Variants in MYO16 observed in about 807,000 individuals in gnomAD.
MYO16 encodes the protein myosin XVI.
Under a neutral mutation model 205.3 loss-of-function variants are expected in MYO16, and 94 were observed. That is an observed-to-expected ratio of 0.46 (90% CI 0.39 to 0.54). MYO16 has a LOEUF of 0.54. MYO16 is among the 20% of genes least tolerant of loss of function. MYO16 has a pLI of 0.00. For missense variants in MYO16, 2,315 were observed against 2,387.5 expected, an observed-to-expected ratio of 0.97 and a Z score of 0.63; for synonymous variants, 988 against 954.0, an observed-to-expected ratio of 1.04 and a Z score of -0.66.
intron 1 of MYO16, among the ~76,000 whole-genome samples, chr13:108,597,381 A>G (rs1023599451): frequency 2.0e-5 from 3 of 152,202 alleles, no homozygotes; most frequent in African/African-American, 7.2e-5. Context: ...GGGAGGATTT[A>G]TCTCCAGATT....
At chr13:108,715,821 C>T (rs1883921977) in intron 3 of MYO16, among the ~76,000 whole-genome samples, 1 of 152,168 alleles carries the variant, frequency 6.6e-6, no homozygotes, top group South Asian at 2.1e-4. Context: ...CCTGGTCCGG[C>T]TTAATAACCC....
At chr13:109,012,208 G>A (rs1431276) in intron 22 of MYO16, among the ~76,000 whole-genome samples, 12,838 of 152,120 alleles carry the variant, frequency 0.084, 1,353 homozygotes, top group East Asian at 0.55. Flanking sequence ...TTCAATAGTC[G>A]TCTAAACCAG....
chr13:108,871,332 G>GTA (rs2139137970), intron 12 of MYO16, among the ~76,000 whole-genome samples: 1 of 131,940 alleles, frequency 7.6e-6, no homozygotes, highest in East Asian at 3.1e-4. Flanking sequence ...TTGTGTGTGT[G>GTA]TGTGTGTGTG....
At chr13:108,796,949 A>T (rs548684575) in intron 6 of MYO16, among the ~76,000 whole-genome samples, 6 of 150,058 alleles carry the variant, frequency 4.0e-5, no homozygotes, top group East Asian at 2.0e-4. Flanking sequence ...AATTAAAATT[A>T]AAAAAAAAGA....
intron 2 of MYO16, among the ~76,000 whole-genome samples, chr13:108,672,107 G>A (rs555593709): frequency 3.0e-4 from 46 of 152,144 alleles, no homozygotes; most frequent in African/African-American, 1.0e-3. Flanking sequence ...ACTGTGCTAG[G>A]GGAAAAATAT....
intron 34 of MYO16, among the ~76,000 whole-genome samples, chr13:109,189,152 A>G (rs9515002): frequency 0.5 from 76,293 of 151,572 alleles, 20,179 homozygotes; most frequent in African/African-American, 0.65. Context: ...ATGAAGGCCA[A>G]AAGATTCAGC....
chr13:109,017,215 C>T (rs1348969419), intron 22 of MYO16, among the ~76,000 whole-genome samples: 1 of 152,176 alleles, frequency 6.6e-6, no homozygotes, highest in Non-Finnish European at 1.5e-5. Context: ...ATTTCTCCTT[C>T]ATTTATGAAG....
At chr13:108,851,122 G>C (rs537149238) in intron 10 of MYO16, among the ~76,000 whole-genome samples, 38 of 152,126 alleles carry the variant, frequency 2.5e-4, no homozygotes, top group Non-Finnish European at 4.0e-4. Flanking sequence ...TCTTACTCTT[G>C]ATTTTCCTCT....
intron 1 of MYO16, among the ~76,000 whole-genome samples, chr13:108,596,549 C>CA (rs1229123863): frequency 2.6e-5 from 4 of 151,676 alleles, no homozygotes; most frequent in Admixed American, 1.3e-4. Context: ...GAAAGACAGA[C>CA]AAAAAAAGTG....
At chr13:108,644,012 A>G (rs1404737905) in intron 1 of MYO16, among the ~76,000 whole-genome samples, 1 of 152,222 alleles carries the variant, frequency 6.6e-6, no homozygotes, top group Non-Finnish European at 1.5e-5. Flanking sequence ...GGGCAAGTTC[A>G]ACACAGAATA....
intron 4 of MYO16, among the ~76,000 whole-genome samples, chr13:108,777,582 G>A (rs1321107151): frequency 6.6e-6 from 1 of 152,144 alleles, no homozygotes; most frequent in East Asian, 1.9e-4. Context: ...AAACCTGGCT[G>A]GAGGGTGTGC....
the MYO16 span, among the ~76,000 whole-genome samples, chr13:108,555,353 G>C: frequency 6.6e-6 from 1 of 152,110 alleles, no homozygotes; most frequent in East Asian, 1.9e-4. Context: ...TGTTCATTGT[G>C]TACAATATGA....
chr13:109,103,118 G>T (rs1334480109), intron 28 of MYO16, among the ~76,000 whole-genome samples: 1 of 151,678 alleles, frequency 6.6e-6, no homozygotes, highest in Non-Finnish European at 1.5e-5. Flanking sequence ...CTTTTATATT[G>T]GTCTGACAAA....
chr13:108,918,500 C>T (rs530732720), intron 16 of MYO16, among the ~76,000 whole-genome samples: 8 of 152,326 alleles, frequency 5.3e-5, no homozygotes, highest in African/African-American at 1.9e-4. Flanking sequence ...TAAGTAGCAG[C>T]CTGCTCAAGG....
At chr13:108,630,145 A>T (rs1594157395) in intron 1 of MYO16, among the ~76,000 whole-genome samples, 1 of 126,798 alleles carries the variant, frequency 7.9e-6, no homozygotes, top group African/African-American at 3.7e-5. Flanking sequence ...GCAACCAGAA[A>T]AAAAAAAAAA....
At chr13:108,984,351 C>T (rs1347872449) in intron 20 of MYO16, among the ~76,000 whole-genome samples, 1 of 152,164 alleles carries the variant, frequency 6.6e-6, no homozygotes, top group African/African-American at 2.4e-5. Flanking sequence ...AAGCCCAAGT[C>T]CCAGAGAAGC....
chr13:109,134,933 C>T (rs1192239344), intron 31 of MYO16, among the ~76,000 whole-genome samples: 2 of 152,170 alleles, frequency 1.3e-5, no homozygotes, highest in African/African-American at 4.8e-5. Flanking sequence ...ACAAACTATA[C>T]TCACCCCTAC....
intron 1 of MYO16, among the ~76,000 whole-genome samples, chr13:108,662,765 C>T (rs1881561344): frequency 6.6e-6 from 1 of 152,136 alleles, no homozygotes. Flanking sequence ...GCCTGATTCA[C>T]ACCCTCCCCC....
At chr13:108,634,500 C>G (rs1880134355) in intron 1 of MYO16, among the ~76,000 whole-genome samples, 1 of 152,180 alleles carries the variant, frequency 6.6e-6, no homozygotes, top group African/African-American at 2.4e-5. Flanking sequence ...GTTCTCTCTT[C>G]CCTCGGGCCA....
Sources: gnomAD v4.1 joint callset for allele counts (sites outside exome capture counted in the v4.1 genomes callset) on GRCh38, gnomAD v4.1.1 for gene constraint, MANE v1.5 for transcripts, NCBI Gene and HGNC (gene_info 2026-07-23, HGNC 2026-07-21) for gene names.